Variants in PITPNM2 observed in about 807,000 individuals in gnomAD.
PITPNM2 encodes phosphatidylinositol transfer protein membrane associated 2, also known as membrane-associated phosphatidylinositol transfer protein 2.
Under a neutral mutation model 132.2 loss-of-function variants are expected in PITPNM2, and 35 were observed. The ratio of observed to expected loss-of-function variants is 0.26; its 90% CI spans 0.20 to 0.35. The LOEUF is 0.35. Ranked by LOEUF, PITPNM2 falls within the 10% of genes least tolerant of loss-of-function variation. The probability of loss-of-function intolerance (pLI) is 1.00; values close to 1 mark genes in which losing one functional copy is unlikely to be tolerated. For synonymous variants in PITPNM2, 738 were observed against 799.2 expected, an observed-to-expected ratio of 0.92 and a Z score of 1.29; for missense variants, 1,332 against 1,912.0, an observed-to-expected ratio of 0.70 and a Z score of 5.66.
chr12:123,011,030 T>G (rs1592940613), intron 5 of PITPNM2, among the ~76,000 whole-genome samples: 1 of 152,220 alleles, frequency 6.6e-6, no homozygotes, highest in East Asian at 1.9e-4. Flanking sequence ...AGGCCACTTA[T>G]GATCACAGGC....
At chr12:123,060,931 T>C (rs2041213764) in intron 2 of PITPNM2, among the ~76,000 whole-genome samples, 1 of 152,188 alleles carries the variant, frequency 6.6e-6, no homozygotes, top group Admixed American at 6.5e-5. Context: ...GATCTACTCA[T>C]CCTTCCACCT....
rs192261328 is a variant in PITPNM2, at chr12:123,028,546, C to T, written c.78+5967G>A. Among the ~76,000 whole-genome samples, 4 of 152,306 alleles carry T rather than the reference C, an allele frequency of 2.6e-5. No homozygotes were observed. In the East Asian group the frequency reaches 7.7e-4, roughly 29 times the overall value. ...ATGTGAAATCTATCTTCCCAGAGAA[C>T]GGGAAGGACTTTCATCCCCCTCTGC... On this transcript the variant is annotated intron_variant, in intron 3 of 25. Transcript: ENST00000320201.
chr12:123,068,622 C>T (rs2041523787), intron 2 of PITPNM2, among the ~76,000 whole-genome samples: 1 of 152,210 alleles, frequency 6.6e-6, no homozygotes, highest in Non-Finnish European at 1.5e-5. Flanking sequence ...AGCCCCCTAA[C>T]CCCAAGGGGC....
At chr12:122,991,660 G>C (rs1190452493) in intron 16 of PITPNM2, 17 of 1,224,928 alleles carry the variant, frequency 1.4e-5, no homozygotes, top group Non-Finnish European at 1.6e-5. Context: ...CCCACGAACT[G>C]TGAGTGGCCA....
chr12:123,021,407 C>T (rs2039666068), intron 3 of PITPNM2, among the ~76,000 whole-genome samples: 1 of 152,224 alleles, frequency 6.6e-6, no homozygotes, highest in African/African-American at 2.4e-5. Context: ...TCATGGCTCA[C>T]TGCAGCCTTG....
chr12:123,061,064 T>TCATCCACCCATGCATC (rs569733668), intron 2 of PITPNM2, among the ~76,000 whole-genome samples: 16 of 151,846 alleles, frequency 1.1e-4, no homozygotes, highest in African/African-American at 2.9e-4. Flanking sequence ...ACCCATGCAT[T>TCATCCACCCATGCATC]CATCCACCCA....
At chr12:123,010,521 GA>G (rs2039144784) in intron 5 of PITPNM2, 1 of 158,050 alleles carries the variant, frequency 6.3e-6, no homozygotes, top group African/African-American at 2.4e-5. Flanking sequence ...GGGAGGAACA[GA>G]AGAGAAGGCT....
At position 123,151,037 on chromosome 12, in the gene PITPNM2, G is replaced by A. The variant is rs1328898810; in HGVS notation, c.-484C>T. Among the ~76,000 whole-genome samples the A allele has an allele frequency of 2.1e-5, 3 of 145,766 alleles. No individual in the cohort carries two copies. The highest frequency in any genetic ancestry group is 4.6e-5 in the Non-Finnish European group (3 of 65,612). ...CCGGGCGGGCGGCCGGGGCCGGCTG[G>A]ACAGCTCTACGCCGCGGCGCCGCGG... On this transcript the variant is annotated 5_prime_UTR_variant, in exon 1 of 26. Transcript: ENST00000320201.
At chr12:123,105,563 A>G (rs1212910210) in intron 2 of PITPNM2, 1 of 152,238 alleles carries the variant, frequency 6.6e-6, no homozygotes, top group African/African-American at 2.4e-5. Flanking sequence ...AGAAACAAAG[A>G]AAGGAAGTGA....
intron 1 of PITPNM2, among the ~76,000 whole-genome samples, chr12:123,142,105 C>T (rs1271331172): frequency 6.6e-6 from 1 of 152,198 alleles, no homozygotes; most frequent in East Asian, 1.9e-4. Context: ...TTGCACCGGT[C>T]AGCAGTCACT....
Position 123,150,238 on chromosome 12 carries a change from G to GCACTGAGGATGGAGACGGGC in PITPNM2, c.-200+495_-200+514dup, listed in dbSNP as rs1379618080. Among the ~76,000 whole-genome samples, 173 of 152,152 alleles carry GCACTGAGGATGGAGACGGGC rather than the reference G, an allele frequency of 1.1e-3. 1 individual carries two copies. Among genetic ancestry groups the GCACTGAGGATGGAGACGGGC allele is most frequent in the Middle Eastern group, 6.8e-3 (2 of 294 alleles). On this transcript the variant is annotated intron_variant, in intron 1 of 25. Transcript: ENST00000320201. The surrounding 1 kb of genome is among the most constrained non-coding windows in gnomAD (Gnocchi z 6.0). ...GGCACCCCATTACCACACGAAGGGG[G>GCACTGAGGATGGAGACGGGC]CACTGAGGATGGAGACGGGCCACAC...
rs202207012 is a variant in PITPNM2 at position 123,062,326 on chromosome 12, GA to G, written c.-95-27642del. 9.0e-3 allele frequency among the ~76,000 whole-genome samples: 1,372 copies of G among 152,312 alleles called. 21 individuals are homozygous for G. Among genetic ancestry groups the G allele is most frequent in the African/African-American group, 0.031 (1,284 of 41,566 alleles). On this transcript the variant is annotated intron_variant, in intron 2 of 25. Transcript: ENST00000320201. ...TGGTAATACGTCCAGTGAGGGGGTA[GA>G]ACACTATGCCTGGCAACCAAGATGT...
intron 2 of PITPNM2, among the ~76,000 whole-genome samples, chr12:123,047,247 C>A (rs898334401): frequency 6.6e-6 from 1 of 152,200 alleles, no homozygotes. Flanking sequence ...TTTAGAGAAA[C>A]AATTTCTGTT....
chr12:123,004,316 C>T lies in PITPNM2; in HGVS notation c.1048+78G>A, dbSNP rs1172817329. The T allele has an allele frequency of 2.9e-6, 4 of 1,381,316 alleles. No individual in the cohort carries two copies. The highest frequency in any genetic ancestry group is 4.1e-6 in the Non-Finnish European group (4 of 976,292). 85.6% of individuals were successfully genotyped at this position (1,381,316 alleles called of 1,614,324 possible). A position where few individuals can be genotyped will look rare whatever the true frequency, so the allele number is the denominator to read the frequency against. ...AGGCAACACCCGCATCAGTCCACAC[C>T]CACACCCTAAGCCCTTTCAGACCCC... On this transcript the variant is annotated intron_variant, in intron 8 of 25. Coordinates refer to ENST00000320201, the MANE Select transcript of PITPNM2 (RefSeq NM_020845.3). This position sits in a 1 kb window ranked among gnomAD's most constrained non-coding sequence, Gnocchi z 4.9.
At chr12:123,012,866 G>A in intron 4 of PITPNM2, 132 bp from the exon 5 acceptor site, 7 of 1,218,576 alleles carry the variant, frequency 5.7e-6, no homozygotes, top group Non-Finnish European at 8.1e-6. Flanking sequence ...GGGTAGCCGA[G>A]ACTTGCCTGC....
At position 122,994,783 on chromosome 12, in the gene PITPNM2, C is replaced by T; in HGVS notation, c.2233+18G>A. 6.2e-7 allele frequency: 1 copy of T among 1,603,154 alleles called. No homozygotes were observed. Among genetic ancestry groups the T allele is most frequent in the South Asian group, 1.1e-5 (1 of 90,046 alleles). Reference sequence around the variant, plus strand: ...CCCAGTGCATGTACCCCCCATCCTGCCCCTGCTGGGCTCTCACCATCCAGG... The same window carrying T: ...CCCAGTGCATGTACCCCCCATCCTGTCCCTGCTGGGCTCTCACCATCCAGG... On this transcript the variant is annotated intron_variant, in intron 15 of 25. Transcript: ENST00000320201. The surrounding 1 kb of genome is among the most constrained non-coding windows in gnomAD (Gnocchi z 5.4).
chr12:123,009,204 G>A lies in PITPNM2; in HGVS notation c.643+646C>T, dbSNP rs1019501726. Among the ~76,000 whole-genome samples, 3 of 152,176 alleles carry A rather than the reference G, an allele frequency of 2.0e-5. No individual in the cohort carries two copies. The highest frequency in any genetic ancestry group is 2.0e-4 in the Admixed American group (3 of 15,280). On this transcript the variant is annotated intron_variant, in intron 6 of 25. Transcript: ENST00000320201. This position sits in a 1 kb window ranked among gnomAD's most constrained non-coding sequence, Gnocchi z 4.8. The stretch of plus-strand genomic sequence containing the variant: ...TTTTGGGTCATGGGCCTCAGGGACC[G>A]GAACCAGCTCTTGGAATGACATCAT...
chr12:123,108,087 G>A lies in PITPNM2; in HGVS notation c.-96+2298C>T, dbSNP rs1189581407. 6.6e-6 allele frequency among the ~76,000 whole-genome samples: 1 copy of A among 152,212 alleles called. No individual in the cohort carries two copies. The highest frequency in any genetic ancestry group is 6.5e-5 in the Admixed American group (1 of 15,280). ...GAGGGAATTTCAGGATGCTGGAACT[G>A]CATAAGCAAAGCGCAGAGAATGTAC... On this transcript the variant is annotated intron_variant, in intron 2 of 25. Transcript: ENST00000320201. This position sits in a 1 kb window ranked among gnomAD's most constrained non-coding sequence, Gnocchi z 4.4.
At chr12:123,129,433 G>A (rs1270973509) in intron 1 of PITPNM2, among the ~76,000 whole-genome samples, 1 of 152,002 alleles carries the variant, frequency 6.6e-6, no homozygotes, top group Non-Finnish European at 1.5e-5. Flanking sequence ...AGCTGGGCAT[G>A]GTGGCGGGTG....
Sources: gnomAD v4.1 joint callset for allele counts (sites outside exome capture counted in the v4.1 genomes callset) on GRCh38, gnomAD v4.1.1 for gene constraint, Gnocchi (gnomAD v3.1) non-coding constraint, MANE v1.5 for transcripts, NCBI Gene and HGNC (gene_info 2026-07-23, HGNC 2026-07-21) for gene names.